Variants in CATSPERT observed in about 807,000 individuals in gnomAD.
CATSPERT encodes cation channel sperm-associated targeting subunit tau.
the CATSPERT span, among the ~76,000 whole-genome samples, chr2:201,600,837 C>T: frequency 3.3e-5 from 5 of 151,806 alleles, no homozygotes; most frequent in East Asian, 9.7e-4. Flanking sequence ...CTGCAACCTC[C>T]ACCTCCTGGG....
chr2:201,539,213 C>T, the CATSPERT span, among the ~76,000 whole-genome samples: 1 of 152,164 alleles, frequency 6.6e-6, no homozygotes, highest in South Asian at 2.1e-4. Flanking sequence ...AATGGCATTT[C>T]TGTCTTTAGG....
the CATSPERT span, among the ~76,000 whole-genome samples, chr2:201,568,240 G>A: frequency 6.6e-6 from 1 of 152,138 alleles, no homozygotes; most frequent in Non-Finnish European, 1.5e-5. Flanking sequence ...TAAGTCTAGA[G>A]TAGTTGCTAC....
the CATSPERT span, chr2:201,550,639 A>ATC: frequency 3.5e-3 from 526 of 152,296 alleles, 4 homozygotes; most frequent in African/African-American, 0.012. Flanking sequence ...TAATCGACTA[A>ATC]TCTCTATACA....
chr2:201,579,840 C>T, the CATSPERT span, among the ~76,000 whole-genome samples: 1 of 150,296 alleles, frequency 6.7e-6, no homozygotes, highest in African/African-American at 2.5e-5. Context: ...TTGGGTTACA[C>T]TTCTTTCTTT....
At chr2:201,596,261 T>G in the CATSPERT span, among the ~76,000 whole-genome samples, 1 of 152,086 alleles carries the variant, frequency 6.6e-6, no homozygotes, top group African/African-American at 2.4e-5. Flanking sequence ...AAGATGGAGA[T>G]CATATCCTTT....
At chr2:201,552,142 G>A in the CATSPERT span, among the ~76,000 whole-genome samples, 2 of 151,806 alleles carry the variant, frequency 1.3e-5, no homozygotes, top group Non-Finnish European at 1.5e-5. Context: ...TGCATGCCAC[G>A]CCTGGCTAAG....
the CATSPERT span, chr2:201,553,821 T>C: frequency 6.6e-6 from 1 of 152,214 alleles, no homozygotes. Context: ...TTTGATCTAA[T>C]AGGCACTGTC....
At chr2:201,518,226 G>A in the CATSPERT span, among the ~76,000 whole-genome samples, 26 of 152,156 alleles carry the variant, frequency 1.7e-4, no homozygotes, top group Non-Finnish European at 3.2e-4. Flanking sequence ...TGGAGGTAGG[G>A]GGACTGCAAA....
At chr2:201,510,834 C>T in the CATSPERT span, among the ~76,000 whole-genome samples, 1 of 151,946 alleles carries the variant, frequency 6.6e-6, no homozygotes, top group Non-Finnish European at 1.5e-5. Flanking sequence ...AACCAACAGC[C>T]AAAAAGGAAA....
At chr2:201,580,157 T>C in the CATSPERT span, among the ~76,000 whole-genome samples, 1 of 152,162 alleles carries the variant, frequency 6.6e-6, no homozygotes, top group South Asian at 2.1e-4. Flanking sequence ...GGTTAAACAT[T>C]TTTGATGACG....
the CATSPERT span, among the ~76,000 whole-genome samples, chr2:201,570,891 T>C: frequency 1.3e-5 from 2 of 152,216 alleles, no homozygotes; most frequent in Admixed American, 6.5e-5. Flanking sequence ...CTCCAAGCAC[T>C]TTCTTTTGTG....
the CATSPERT span, chr2:201,491,547 C>CT: frequency 6.5e-7 from 1 of 1,536,738 alleles, no homozygotes; most frequent in African/African-American, 1.4e-5. Context: ...CTTTCAATGT[C>CT]TGACAATACT....
chr2:201,584,043 C>G, the CATSPERT span, among the ~76,000 whole-genome samples: 1 of 152,216 alleles, frequency 6.6e-6, no homozygotes, highest in African/African-American at 2.4e-5. Flanking sequence ...AATCCCAGCA[C>G]TTTGGGAGGC....
At chr2:201,591,421 T>A in the CATSPERT span, among the ~76,000 whole-genome samples, 3 of 152,242 alleles carry the variant, frequency 2.0e-5, no homozygotes, top group African/African-American at 7.2e-5. Context: ...GGTAGTGTGA[T>A]GCCTCCAGCT....
chr2:201,570,996 G>C, the CATSPERT span, among the ~76,000 whole-genome samples: 1 of 152,036 alleles, frequency 6.6e-6, no homozygotes, highest in South Asian at 2.1e-4. Context: ...GCTCTTGAAG[G>C]GCTTTTATTC....
the CATSPERT span, chr2:201,535,421 T>G: frequency 2.1e-6 from 2 of 973,718 alleles, no homozygotes; most frequent in East Asian, 1.1e-4. Context: ...TTATTTGGTG[T>G]ACCTTTAAAT....
At chr2:201,615,273 A>C in the CATSPERT span, among the ~76,000 whole-genome samples, 1 of 152,160 alleles carries the variant, frequency 6.6e-6, no homozygotes, top group Non-Finnish European at 1.5e-5. Context: ...GCACCACATC[A>C]CACTTATTCC....
chr2:201,491,895 A>G, the CATSPERT span: 3 of 1,536,894 alleles, frequency 2.0e-6, no homozygotes, highest in African/African-American at 2.7e-5. Context: ...GCGTGAATAC[A>G]TGTTCTTTCC....
chr2:201,495,156 A>AT, the CATSPERT span, among the ~76,000 whole-genome samples: 242 of 148,108 alleles, frequency 1.6e-3, 2 homozygotes, highest in Non-Finnish European at 2.8e-3. Context: ...AATGTAGGAA[A>AT]TTTTTTTTTT....
Sources: allele counts gnomAD v4.1 joint callset (sites outside exome capture counted in the v4.1 genomes callset), GRCh38; gene constraint gnomAD v4.1.1; transcripts MANE v1.5; gene names NCBI Gene and HGNC (gene_info 2026-07-23, HGNC 2026-07-21).